Variants in RBM33 observed in about 807,000 individuals in gnomAD.
RBM33 encodes RNA binding motif protein 33.
In RBM33, 28 loss-of-function variants were observed where a neutral mutation model predicts 132.6. That is an observed-to-expected ratio of 0.21 (90% CI 0.16 to 0.29). The LOEUF is 0.29. Ranked by LOEUF, RBM33 falls within the 10% of genes least tolerant of loss-of-function variation. The probability of loss-of-function intolerance (pLI) is 1.00; values close to 1 mark genes in which losing one functional copy is unlikely to be tolerated. For missense variants in RBM33, 1,291 were observed against 1,518.5 expected, an observed-to-expected ratio of 0.85 and a Z score of 2.49; for synonymous variants, 634 against 593.0, an observed-to-expected ratio of 1.07 and a Z score of -1.01.
intron 5 of RBM33, among the ~76,000 whole-genome samples, chr7:155,684,345 G>T (rs918139589): frequency 1.3e-5 from 2 of 152,022 alleles, no homozygotes; most frequent in Non-Finnish European, 2.9e-5. Context: ...TTTCTTCTCT[G>T]CAGTTGCGGT....
chr7:155,757,811 C>A (rs1801900815), intron 14 of RBM33, among the ~76,000 whole-genome samples: 1 of 145,366 alleles, frequency 6.9e-6, no homozygotes, highest in Non-Finnish European at 1.5e-5. Context: ...CCTCAGGAAG[C>A]TTCCAATCAT....
At chr7:155,763,276 C>T (rs1037585026) in intron 14 of RBM33, among the ~76,000 whole-genome samples, 3 of 152,174 alleles carry the variant, frequency 2.0e-5, no homozygotes, top group Non-Finnish European at 4.4e-5. Context: ...TTGGAGAGGT[C>T]AGAGTATTTG....
At chr7:155,734,935 T>C (rs1423004492) in intron 9 of RBM33, among the ~76,000 whole-genome samples, 1 of 152,170 alleles carries the variant, frequency 6.6e-6, no homozygotes, top group African/African-American at 2.4e-5. Context: ...TGATTGCTAA[T>C]TTATTGTCAT....
At chr7:155,707,225 A>G (rs551737941) in intron 7 of RBM33, 157 bp downstream of exon 7, 2 of 737,968 alleles carry the variant, frequency 2.7e-6, no homozygotes, top group African/African-American at 3.5e-5. Flanking sequence ...GTCTCATGTG[A>G]TGTTGCATAT....
chr7:155,692,036 G>A (rs1799657707), intron 5 of RBM33, among the ~76,000 whole-genome samples: 1 of 149,804 alleles, frequency 6.7e-6, no homozygotes, highest in Admixed American at 6.7e-5. Flanking sequence ...GGGTGACAGA[G>A]TGAGACCCTC....
intron 14 of RBM33, among the ~76,000 whole-genome samples, chr7:155,761,835 G>T (rs1310577756): frequency 6.6e-6 from 1 of 152,036 alleles, no homozygotes; most frequent in Non-Finnish European, 1.5e-5. Flanking sequence ...CTTTTTTGAG[G>T]ACGGGGGACT....
chr7:155,675,471 A>T (rs190607459), intron 3 of RBM33, among the ~76,000 whole-genome samples: 91 of 152,216 alleles, frequency 6.0e-4, no homozygotes, highest in Non-Finnish European at 1.2e-4. Context: ...TCCTGTGTAC[A>T]TTGAGGTTGT....
intron 1 of RBM33, among the ~76,000 whole-genome samples, chr7:155,661,146 ATTT>A (rs3080619): frequency 3.7e-5 from 3 of 81,182 alleles, no homozygotes; most frequent in Non-Finnish European, 7.7e-5. Flanking sequence ...ATATATATAT[ATTT>A]TTTTTTTTTT....
At chr7:155,718,041 A>G (rs73737006) in intron 8 of RBM33, among the ~76,000 whole-genome samples, 5,783 of 152,264 alleles carry the variant, frequency 0.038, 356 homozygotes, top group African/African-American at 0.13. Flanking sequence ...CTGGGATTTG[A>G]TAACCTGGAT....
At chr7:155,691,186 T>C (rs1344743706) in intron 5 of RBM33, among the ~76,000 whole-genome samples, 9 of 152,228 alleles carry the variant, frequency 5.9e-5, no homozygotes, top group Admixed American at 5.9e-4. Context: ...CTTTTTTCTC[T>C]AAACTTCTCT....
intron 9 of RBM33, 72 bp from the exon 10 acceptor site, chr7:155,737,458 T>C: frequency 2.7e-6 from 4 of 1,471,146 alleles, no homozygotes; most frequent in Non-Finnish European, 3.6e-6. Flanking sequence ...GAACCAGGTC[T>C]ATATTTCTAA....
intron 15 of RBM33, among the ~76,000 whole-genome samples, chr7:155,764,612 C>A (rs11768682): frequency 6.6e-6 from 1 of 152,200 alleles, no homozygotes; most frequent in African/African-American, 2.4e-5. Context: ...CATCCTGTCA[C>A]GTACGCAAGT....
chr7:155,645,246 G>C (rs755145200), intron 1 of RBM33: 1 of 276,704 alleles, frequency 3.6e-6, no homozygotes, highest in Non-Finnish European at 6.7e-6. Context: ...GTAGGAGAGC[G>C]CCCCCCCCAC....
chr7:155,648,715 A>C (rs1798269575), intron 1 of RBM33, among the ~76,000 whole-genome samples: 1 of 152,052 alleles, frequency 6.6e-6, no homozygotes, highest in African/African-American at 2.4e-5. Flanking sequence ...AGCCTTTCTC[A>C]TTTCAGCCAT....
chr7:155,716,333 A>T (rs866275205), intron 8 of RBM33, among the ~76,000 whole-genome samples: 1,261 of 32,032 alleles, frequency 0.039, 37 homozygotes, highest in African/African-American at 0.18. Context: ...TTTTTTTTTT[A>T]AATAGGGAAA....
intron 2 of RBM33, among the ~76,000 whole-genome samples, chr7:155,668,599 C>T (rs560215700): frequency 4.6e-5 from 7 of 152,222 alleles, no homozygotes; most frequent in South Asian, 2.1e-4. Context: ...TTTCCTGTTA[C>T]CTGTAGTACT....
intron 2 of RBM33, among the ~76,000 whole-genome samples, chr7:155,672,026 G>A (rs1332381925): frequency 1.3e-5 from 2 of 151,992 alleles, no homozygotes; most frequent in African/African-American, 4.8e-5. Flanking sequence ...TCACTGATAC[G>A]ACATCCATGT....
intron 14 of RBM33, among the ~76,000 whole-genome samples, chr7:155,753,429 C>G (rs752661032): frequency 2.0e-4 from 31 of 152,276 alleles, no homozygotes; most frequent in Non-Finnish European, 1.3e-4. Context: ...CAGGGGAACC[C>G]ACGTTTTTTA....
chr7:155,770,183 G>A (rs1399333016), intron 16 of RBM33, among the ~76,000 whole-genome samples: 2 of 152,240 alleles, frequency 1.3e-5, no homozygotes, highest in African/African-American at 4.8e-5. Flanking sequence ...TGTCCAGGAA[G>A]ACCCAGCATG....
Sources: allele counts gnomAD v4.1 joint callset (sites outside exome capture counted in the v4.1 genomes callset), GRCh38; gene constraint gnomAD v4.1.1; transcripts MANE v1.5; gene names NCBI Gene and HGNC (gene_info 2026-07-23, HGNC 2026-07-21).